Variants in TMPRSS5 observed in about 807,000 individuals in gnomAD.
The protein encoded by TMPRSS5 is transmembrane protease serine 5.
A neutral mutation model predicts 59.7 loss-of-function variants in TMPRSS5; 45 were observed. That is an observed-to-expected ratio of 0.75 (90% CI 0.59 to 0.97). The LOEUF (loss-of-function observed/expected upper bound fraction) is 0.97. Ranked by LOEUF, TMPRSS5 falls within the 50% of genes least tolerant of loss-of-function variation. The probability of loss-of-function intolerance (pLI) is 0.00; values close to 1 mark genes in which losing one functional copy is unlikely to be tolerated. For synonymous variants in TMPRSS5, 225 were observed against 232.0 expected (o/e 0.97, Z 0.27); for missense variants, 585 against 596.7 (o/e 0.98, Z 0.20).
At chr11:113,694,358 T>TA in intron 8 of TMPRSS5, 120 bp downstream of exon 8, 1 of 1,022,490 alleles carries the variant, frequency 9.8e-7, no homozygotes, top group Non-Finnish European at 1.4e-6. Flanking sequence ...ACACCAGTCT[T>TA]ACCCTTTTGG....
rs1394907694 is a variant in TMPRSS5 at position 113,693,101 on chromosome 11, G to A, written c.934C>T (p.Leu312=). ...AAGTTGAGAGCGGTCTGGAGCCTCA[G>A]GAGGGCGACGTCGTAGTCATGATTC... ...AQNHDYDVAL[L]RLQTALNFSD... Residue 312 remains leucine, a synonymous_variant, in exon 9 of 13, where the codon CTG becomes TTG. Transcript: ENST00000299882. 1 of 1,582,968 alleles carries A rather than the reference G, an allele frequency of 6.3e-7. No individual in the cohort carries two copies. Among genetic ancestry groups the A allele is most frequent in the Admixed American group, 1.8e-5 (1 of 55,442 alleles).
chr11:113,690,829 G>T lies in TMPRSS5; in HGVS notation c.1063+12C>A, dbSNP rs1458089684. 6.4e-6 allele frequency: 10 copies of T among 1,573,864 alleles called. No individual in the cohort carries two copies. The highest frequency in any genetic ancestry group is 3.3e-4 in the Middle Eastern group (2 of 6,036). The stretch of plus-strand genomic sequence containing the variant: ...CCCGCCCCTGCACCGAGGGCCCAGG[G>T]AGCTGACTCACTATGGCTAGGGTGG... On this transcript the variant is annotated intron_variant, in intron 10 of 12. Coordinates refer to ENST00000299882, the MANE Select transcript of TMPRSS5 (RefSeq NM_030770.4).
At chr11:113,692,347 TTGTG>T (rs984120358) in intron 9 of TMPRSS5, among the ~76,000 whole-genome samples, 1 of 152,066 alleles carries the variant, frequency 6.6e-6, no homozygotes, top group Admixed American at 6.6e-5. Flanking sequence ...GTGTGCATGT[TTGTG>T]TGTGTGGTGT....
In TMPRSS5 at chr11:113,690,587, G is replaced by C. The variant is rs541945472; in HGVS notation, c.1064-214C>G. On this transcript the variant is annotated intron_variant, in intron 10 of 12. Coordinates refer to ENST00000299882, the MANE Select transcript of TMPRSS5 (RefSeq NM_030770.4). ...AGGAGGACTCACACATACACCAAAT[G>C]TGAGACCATGGCGCTCCTGGGACAA... 3.9e-5 allele frequency among the ~76,000 whole-genome samples: 6 copies of C among 152,218 alleles called. No individual in the cohort carries two copies. In the South Asian group the frequency reaches 1.0e-3, roughly 26 times the overall value.
In TMPRSS5 at chr11:113,697,076, G is replaced by C. The variant is rs536980305; in HGVS notation, c.465-105C>G. ...AAGACTGTGATAATGATTACTGCTG[G>C]GGTTTATGCTTGTTAAAAAGCAGTA... On this transcript the variant is annotated intron_variant, in intron 5 of 12. Coordinates refer to ENST00000299882, the MANE Select transcript of TMPRSS5 (RefSeq NM_030770.4). 19 of 1,161,248 alleles carry C rather than the reference G, an allele frequency of 1.6e-5. No individual in the cohort carries two copies. In the South Asian group the frequency reaches 2.5e-4, roughly 15 times the overall value. 71.9% of individuals were successfully genotyped at this position (1,161,248 alleles called of 1,614,324 possible). A position where few individuals can be genotyped will look rare whatever the true frequency, so the allele number is the denominator to read the frequency against.
In TMPRSS5 at chr11:113,701,489, C is replaced by CGGGG. The variant is rs57193385; in HGVS notation, c.4-1325_4-1322dup. ...TGGAACTTTGGTGGTTTTTTTTTGG[C>CGGGG]GGGGGGGGGTGTTTTGTTCAACTTT... On this transcript the variant is annotated intron_variant, in intron 1 of 12. Transcript: ENST00000299882. Among the ~76,000 whole-genome samples, 15 of 145,640 alleles carry CGGGG rather than the reference C, an allele frequency of 1.0e-4. No individual in the cohort carries two copies. In the South Asian group the frequency reaches 1.6e-3, roughly 15 times the overall value.
chr11:113,699,664 G>A lies in TMPRSS5; in HGVS notation c.136C>T (p.Arg46Ter), dbSNP rs374718702. Residue 46 changes from arginine to a stop codon, truncating the protein, a stop_gained, in exon 3 of 13, where the codon CGA becomes TGA. Transcript: ENST00000299882. LOFTEE classifies it high-confidence loss of function. ...GCTCCCAGCACTGCACAGCCACGTC[G>A]CATGGAACGCCAGCACACTGCCTGA... is the stretch of plus-strand genomic sequence containing the variant. ...ISQAVCWRSMRRGCAVLGALG... is the reference protein window; with the variant it reads ...ISQAVCWRSM The A allele has an allele frequency of 8.2e-6, 13 of 1,582,596 alleles. No individual in the cohort carries two copies. The highest frequency in any genetic ancestry group is 3.5e-5 in the South Asian group (3 of 85,986).
chr11:113,694,510 GC>G lies in TMPRSS5; in HGVS notation c.752del (p.Arg251ProfsTer4). 6.4e-7 allele frequency: 1 copy of G among 1,567,320 alleles called. No homozygotes were observed. Among genetic ancestry groups the G allele is most frequent in the Non-Finnish European group, 8.7e-7 (1 of 1,155,586 alleles). On this transcript the variant is annotated frameshift_variant, in exon 8 of 13. Coordinates refer to ENST00000299882, the MANE Select transcript of TMPRSS5 (RefSeq NM_030770.4). LOFTEE classifies it high-confidence loss of function. The part of the protein sequence containing the change: ...HTCGGSVLAP[R>X]WVVTAAHCMH... ...TACAATGTGCAGCAGTCACCACCCA[GC>G]GTGGCGCTAGCACAGAGCCCCCACA...
At chr11:113,691,593 T>G (rs1952780197) in intron 9 of TMPRSS5, among the ~76,000 whole-genome samples, 1 of 152,196 alleles carries the variant, frequency 6.6e-6, no homozygotes, top group South Asian at 2.1e-4. Context: ...GATCTATTTA[T>G]TATAAGTAAC....
chr11:113,691,886 T>TTTTTTA (rs1210374377), intron 9 of TMPRSS5, among the ~76,000 whole-genome samples: 12 of 91,070 alleles, frequency 1.3e-4, no homozygotes, highest in Non-Finnish European at 2.0e-4. Context: ...TCTTTTCCTT[T>TTTTTTA]TTTTTCTTTT....
intron 1 of TMPRSS5, among the ~76,000 whole-genome samples, chr11:113,702,048 T>C (rs780615199): frequency 8.0e-5 from 12 of 149,996 alleles, no homozygotes; most frequent in Non-Finnish European, 1.5e-4. Flanking sequence ...TGAGAACATG[T>C]GGTGTTTCTG....
chr11:113,688,171 T>C lies in TMPRSS5; in HGVS notation c.*89A>G. 6.6e-7 allele frequency: 1 copy of C among 1,520,048 alleles called. No individual in the cohort carries two copies. The highest frequency in any genetic ancestry group is 8.8e-7 in the Non-Finnish European group (1 of 1,133,870). 94.2% of individuals were successfully genotyped at this position (1,520,048 alleles called of 1,614,324 possible). On this transcript the variant is annotated 3_prime_UTR_variant, in exon 13 of 13. Coordinates refer to ENST00000299882, the MANE Select transcript of TMPRSS5 (RefSeq NM_030770.4). Reference sequence around the variant, plus strand: ...GGTCCATGCGTTCTGTGTCGGAGGCTACTGCCTCTCCTCCATTAGTGGAGC... The same window carrying C: ...GGTCCATGCGTTCTGTGTCGGAGGCCACTGCCTCTCCTCCATTAGTGGAGC...
intron 12 of TMPRSS5, among the ~76,000 whole-genome samples, chr11:113,689,087 G>C (rs1403763989): frequency 2.6e-5 from 4 of 152,214 alleles, no homozygotes; most frequent in Non-Finnish European, 5.9e-5. Context: ...GCCGGGCACA[G>C]TGGTGCATGC....
intron 11 of TMPRSS5, 51 bp downstream of exon 11, chr11:113,690,180 T>TCCCCCCCCCCCCCCCC: frequency 5.3e-6 from 1 of 187,988 alleles, no homozygotes; most frequent in Non-Finnish European, 8.9e-6. Context: ...CCCCCTGCCC[T>TCCCCCCCCCCCCCCCC]CCCACCCCCA....
intron 3 of TMPRSS5, 68 bp from the exon 4 acceptor site, chr11:113,699,095 T>G: frequency 6.5e-7 from 1 of 1,547,510 alleles, no homozygotes; most frequent in Non-Finnish European, 8.8e-7. Flanking sequence ...GACCTCCTCA[T>G]CAGCCACCTT....
In TMPRSS5 at chr11:113,690,186, C is replaced by T. The variant is rs1952728213; in HGVS notation, c.1206+45G>A. On this transcript the variant is annotated intron_variant, in intron 11 of 12. Transcript: ENST00000299882. ...CACAGCAGGCCCCCTGCCCTCCCAC[C>T]CCCACCTCCACTCCCACCCTCACCC... 4 of 1,320,848 alleles carry T rather than the reference C, an allele frequency of 3.0e-6. 1 individual carries two copies. The highest frequency in any genetic ancestry group is 5.4e-5 in the Admixed American group (2 of 36,918). 81.8% of individuals were successfully genotyped at this position (1,320,848 alleles called of 1,614,324 possible). A position where few individuals can be genotyped will look rare whatever the true frequency, so the allele number is the denominator to read the frequency against.
chr11:113,699,267 CTCT>C (rs1953043031), intron 3 of TMPRSS5, among the ~76,000 whole-genome samples: 1 of 102,354 alleles, frequency 9.8e-6, no homozygotes, highest in Non-Finnish European at 1.9e-5. Flanking sequence ...CTCTCTCTCT[CTCT>C]CCCTCTCTCT....
At chr11:113,700,303 G>A (rs1953095871) in intron 1 of TMPRSS5, 135 bp from the exon 2 acceptor site, 1 of 864,156 alleles carries the variant, frequency 1.2e-6, no homozygotes, top group Non-Finnish European at 1.7e-6. Flanking sequence ...ACTCATCTTG[G>A]AGACTCCCTG....
Position 113,699,635 on chromosome 11 carries a change from C to G in TMPRSS5, c.165G>C (p.Leu55=). The G allele has an allele frequency of 6.3e-7, 1 of 1,585,542 alleles. No individual in the cohort carries two copies. Among genetic ancestry groups the G allele is most frequent in the Non-Finnish European group, 8.6e-7 (1 of 1,166,406 alleles). ...CAACACCTGCACCGGCCAGCAGCCC[C>G]AGGGCTCCCAGCACTGCACAGCCAC... ...MRRGCAVLGA[L]GLLAGAGVGS... is the part of the protein sequence containing the mutation. The change falls in exon 3 of 13, where the codon CTG becomes CTC. Residue 55 remains leucine (L), a synonymous_variant. Transcript: ENST00000299882.
Sources: gnomAD v4.1 joint callset for allele counts (sites outside exome capture counted in the v4.1 genomes callset) on GRCh38, gnomAD v4.1.1 for gene constraint, MANE v1.5 for transcripts, NCBI Gene and HGNC (gene_info 2026-07-23, HGNC 2026-07-21) for gene names.